The following TMEM232 variants were observed in gnomAD, a reference collection of about 807,000 sequenced individuals.
TMEM232 encodes transmembrane protein 232.
A neutral mutation model predicts 78.8 loss-of-function variants in TMEM232; 80 were observed. The ratio of observed to expected loss-of-function variants is 1.01; its 90% CI spans 0.85 to 1.22. The LOEUF is 1.22. TMEM232 is among the 50% of genes most tolerant of loss of function. The pLI is 0.00. For missense variants in TMEM232, 881 were observed against 742.2 expected (o/e 1.19, Z -2.17); for synonymous variants, 297 against 254.3 (o/e 1.17, Z -1.60).
chr5:110,524,426 A>G (rs1444947105), intron 12 of TMEM232, among the ~76,000 whole-genome samples: 3 of 141,750 alleles, frequency 2.1e-5, no homozygotes, highest in South Asian at 2.1e-4. Flanking sequence ...AAAAGAAAAG[A>G]AAAGAAAAGA....
chr5:110,471,210 G>T (rs1472388941), intron 12 of TMEM232, among the ~76,000 whole-genome samples: 1 of 151,980 alleles, frequency 6.6e-6, no homozygotes, highest in East Asian at 1.9e-4. Flanking sequence ...TCAGAAGAAA[G>T]AAAAACATAA....
At chr5:110,591,789 A>G (rs1208402631) in intron 10 of TMEM232, among the ~76,000 whole-genome samples, 1 of 152,184 alleles carries the variant, frequency 6.6e-6, no homozygotes, top group Non-Finnish European at 1.5e-5. Context: ...CACTCTCAAC[A>G]AAAGACTTAC....
chr5:110,671,574 AG>A (rs1791352383), intron 1 of TMEM232, among the ~76,000 whole-genome samples: 1 of 152,250 alleles, frequency 6.6e-6, no homozygotes, highest in South Asian at 2.1e-4. Context: ...AGACATAAAA[AG>A]GATGAGTTCA....
At chr5:110,670,866 G>A (rs145618650) in intron 1 of TMEM232, among the ~76,000 whole-genome samples, 2 of 151,862 alleles carry the variant, frequency 1.3e-5, no homozygotes, top group Admixed American at 6.6e-5. Context: ...TAGCCTAAAA[G>A]AACAATACTC....
At chr5:110,591,120 T>C (rs1368634774) in intron 10 of TMEM232, among the ~76,000 whole-genome samples, 1 of 152,138 alleles carries the variant, frequency 6.6e-6, no homozygotes, top group Non-Finnish European at 1.5e-5. Context: ...ATGATTTAAA[T>C]TGTTTCTTTG....
intron 11 of TMEM232, among the ~76,000 whole-genome samples, chr5:110,532,064 T>C (rs996427638): frequency 8.6e-5 from 13 of 152,030 alleles, no homozygotes; most frequent in Non-Finnish European, 1.8e-4. Flanking sequence ...ACGCCTGAAC[T>C]GCAGCGGCCA....
At chr5:110,672,858 C>A (rs970335554) in intron 1 of TMEM232, among the ~76,000 whole-genome samples, 4 of 152,022 alleles carry the variant, frequency 2.6e-5, no homozygotes, top group Admixed American at 1.3e-4. Flanking sequence ...ATTGCATGTA[C>A]AATAAGACCA....
intron 8 of TMEM232, among the ~76,000 whole-genome samples, chr5:110,608,466 G>A (rs1199588775): frequency 6.6e-6 from 1 of 151,544 alleles, no homozygotes; most frequent in Non-Finnish European, 1.5e-5. Context: ...AATTAAAAGA[G>A]AGGATACTCA....
intron 1 of TMEM232, among the ~76,000 whole-genome samples, chr5:110,721,520 G>T (rs1797603199): frequency 6.6e-6 from 1 of 150,936 alleles, no homozygotes; most frequent in African/African-American, 2.4e-5. Context: ...AGTAAGAACT[G>T]TTGTTCTCAA....
downstream of TMEM232, chr5:110,418,155 T>G (rs1756330735): frequency 3.3e-5 from 5 of 152,342 alleles, no homozygotes; most frequent in South Asian, 1.0e-3. Flanking sequence ...CTATGTTCCC[T>G]TTCCATTTAT....
At chr5:110,585,240 G>A (rs549521461) in intron 10 of TMEM232, among the ~76,000 whole-genome samples, 2 of 152,228 alleles carry the variant, frequency 1.3e-5, no homozygotes, top group South Asian at 4.1e-4. Flanking sequence ...CAGAATGGGA[G>A]ATAATAGGAA....
chr5:110,476,232 AAAAGGTAATT>A (rs1763237714), intron 12 of TMEM232, among the ~76,000 whole-genome samples: 1 of 151,950 alleles, frequency 6.6e-6, no homozygotes, highest in Non-Finnish European at 1.5e-5. Flanking sequence ...TGGGGCTTTT[AAAAGGTAATT>A]AATGTTAAAT....
chr5:110,512,841 T>A (rs1767982554), intron 12 of TMEM232, among the ~76,000 whole-genome samples: 1 of 152,212 alleles, frequency 6.6e-6, no homozygotes, highest in African/African-American at 2.4e-5. Flanking sequence ...TCATTTTAAT[T>A]CTAACTGATC....
At chr5:110,527,113 G>A (rs1048112057) in intron 12 of TMEM232, among the ~76,000 whole-genome samples, 1 of 151,760 alleles carries the variant, frequency 6.6e-6, no homozygotes, top group Non-Finnish European at 1.5e-5. Flanking sequence ...GGGTAAATCA[G>A]GGAAAGAAGG....
At chr5:110,538,039 C>A (rs891956077) in intron 11 of TMEM232, among the ~76,000 whole-genome samples, 1 of 152,162 alleles carries the variant, frequency 6.6e-6, no homozygotes, top group Non-Finnish European at 1.5e-5. Flanking sequence ...GACTATAATA[C>A]CCCCATGGGA....
chr5:110,462,557 A>G (rs1191691612), intron 12 of TMEM232, among the ~76,000 whole-genome samples: 1 of 152,132 alleles, frequency 6.6e-6, no homozygotes, highest in Non-Finnish European at 1.5e-5. Context: ...TCAGACTCCA[A>G]GTTCTTCAAC....
intron 12 of TMEM232, among the ~76,000 whole-genome samples, chr5:110,478,530 A>G (rs928068394): frequency 6.6e-6 from 1 of 151,894 alleles, no homozygotes; most frequent in Non-Finnish European, 1.5e-5. Flanking sequence ...AAATGACTTC[A>G]GTTTTCCAAC....
intron 11 of TMEM232, among the ~76,000 whole-genome samples, chr5:110,555,553 T>G (rs2149632636): frequency 6.6e-6 from 1 of 152,288 alleles, no homozygotes; most frequent in Admixed American, 6.5e-5. Context: ...GTCCTGAATA[T>G]TTTTGTTAGT....
rs139336689 is a variant in TMEM232, at chr5:110,618,572, T to G, written c.769-10A>C. On this transcript the variant is annotated splice_polypyrimidine_tract_variant and intron_variant, in intron 7 of 13. Coordinates refer to ENST00000455884, the MANE Select transcript of TMEM232 (RefSeq NM_001039763.4). Reference sequence around the variant, plus strand: ...TAATTTCATATCCTCCCTGATTAAATTGCAAATGTTTCAGGAATTAAAATA... The same window carrying G: ...TAATTTCATATCCTCCCTGATTAAAGTGCAAATGTTTCAGGAATTAAAATA... 3.9e-6 allele frequency: 6 copies of G among 1,535,140 alleles called. No homozygotes were observed. Among genetic ancestry groups the G allele is most frequent in the East Asian group, 2.5e-5 (1 of 40,736 alleles).
Sources: allele counts gnomAD v4.1 joint callset (sites outside exome capture counted in the v4.1 genomes callset), GRCh38; gene constraint gnomAD v4.1.1; transcripts MANE v1.5; gene names NCBI Gene and HGNC (gene_info 2026-07-23, HGNC 2026-07-21).